NUDT22: variants seen among roughly 807,000 people sequenced by gnomAD.
NUDT22 encodes the protein nudix hydrolase 22.
Under a neutral mutation model 28.8 loss-of-function variants are expected in NUDT22, and 23 were observed. The ratio of observed to expected loss-of-function variants is 0.80; its 90% CI spans 0.58 to 1.13. The LOEUF (loss-of-function observed/expected upper bound fraction) is 1.13. Ranked by LOEUF, NUDT22 falls within the 50% of genes most tolerant of loss-of-function variation. The probability of loss-of-function intolerance (pLI) is 0.00; values close to 1 mark genes in which losing one functional copy is unlikely to be tolerated. For missense variants in NUDT22, 358 were observed against 387.3 expected, an observed-to-expected ratio of 0.92 and a Z score of 0.64; for synonymous variants, 175 against 173.7, an observed-to-expected ratio of 1.01 and a Z score of -0.06.
At chr11:64,227,308 T>C (rs1026060196) in intron 2 of NUDT22, 176 bp downstream of exon 2, 5 of 808,624 alleles carry the variant, frequency 6.2e-6, no homozygotes, top group Middle Eastern at 4.3e-4. Flanking sequence ...CCTGCCCCAG[T>C]CCTGTGAGAA....
At chr11:64,227,521 G>T (rs1439021523) in intron 2 of NUDT22, 47 bp from the exon 3 acceptor site, 17 of 1,439,664 alleles carry the variant, frequency 1.2e-5, no homozygotes, top group Non-Finnish European at 1.4e-5. Context: ...CTGAGATGGG[G>T]CAGGGGGAAG....
chr11:64,226,789 A>C lies in NUDT22; in HGVS notation c.137A>C (p.Glu46Ala). Residue 46 changes from glutamate (E) to alanine (A), a missense_variant, in exon 2 of 6, where the codon GAG becomes GCG. Coordinates refer to ENST00000279206, the MANE Select transcript of NUDT22 (RefSeq NM_032344.4). ...GACGAGGCCATCACTGCCATCTGGG[A>C]GACCCGGCTAAAGGCCCAACCCTGG... is the stretch of plus-strand genomic sequence containing the variant. ...GGDEAITAIW[E>A]TRLKAQPWLF... 6.2e-7 allele frequency: 1 copy of C among 1,610,494 alleles called. No individual in the cohort carries two copies.
rs771496243 is a variant in NUDT22, at chr11:64,227,145, G to C, written c.480+13G>C. On this transcript the variant is annotated intron_variant, in intron 2 of 5. Coordinates refer to ENST00000279206, the MANE Select transcript of NUDT22 (RefSeq NM_032344.4). ...CCCTGAGCCTCAGGTGAGATTCCAGGCTGGGCACAAAGACCCAGACAGCTC... is the reference window on the plus strand; with the variant it reads ...CCCTGAGCCTCAGGTGAGATTCCAGCCTGGGCACAAAGACCCAGACAGCTC... 6.5e-5 allele frequency: 102 copies of C among 1,577,030 alleles called. No homozygotes were observed. The highest frequency in any genetic ancestry group is 8.5e-5 in the Non-Finnish European group (99 of 1,167,424).
At chr11:64,227,227 TTA>T (rs1169349544) in intron 2 of NUDT22, 95 bp downstream of exon 2, 1 of 1,439,576 alleles carries the variant, frequency 6.9e-7, no homozygotes, top group Non-Finnish European at 9.4e-7. Flanking sequence ...TCCTCATTCC[TTA>T]AAGGGAAAAT....
Position 64,226,397 on chromosome 11 carries a change from T to G in NUDT22, c.-49T>G. 1.5e-6 allele frequency: 2 copies of G among 1,303,078 alleles called. No individual in the cohort carries two copies. Among genetic ancestry groups the G allele is most frequent in the Non-Finnish European group, 9.7e-7 (1 of 1,028,494 alleles). 80.7% of individuals were successfully genotyped at this position (1,303,078 alleles called of 1,614,324 possible). A position where few individuals can be genotyped will look rare whatever the true frequency, so the allele number is the denominator to read the frequency against. ...CCCTGGGTTTGGGGGACATGGGCAT[T>G]TGGGGCGCCTGAACCCAAGACCTCT... On this transcript the variant is annotated 5_prime_UTR_variant, in exon 1 of 6. The change creates a new upstream start codon in the 5' untranslated region. Coordinates refer to ENST00000279206, the MANE Select transcript of NUDT22 (RefSeq NM_032344.4).
Position 64,229,872 on chromosome 11 carries a change from C to T in NUDT22, c.794C>T (p.Thr265Met). 1.9e-6 allele frequency: 3 copies of T among 1,613,370 alleles called. No homozygotes were observed. Among genetic ancestry groups the T allele is most frequent in the Non-Finnish European group, 2.5e-6 (3 of 1,179,982 alleles). ...ETQNVQRLLE[T>M]EMWAELCPSA... ...CAGAACGTGCAGAGATTGCTCGAGA[C>T]GGAGATGTGGGCTGAACTCTGCCCC... Residue 265 changes from threonine to methionine, a missense_variant, in exon 6 of 6, where the codon ACG becomes ATG. Transcript: ENST00000279206.
At chr11:64,227,171 A>C in intron 2 of NUDT22, 39 bp downstream of exon 2, 5 of 1,556,794 alleles carry the variant, frequency 3.2e-6, no homozygotes, top group Non-Finnish European at 4.3e-6. Flanking sequence ...CAGACAGCTC[A>C]AGGGAGCTGC....
At chr11:64,230,066 A>T, downstream of NUDT22, 98 of 1,040,046 alleles carry the variant, frequency 9.4e-5, no homozygotes, top group East Asian at 1.4e-4. Context: ...ATGGGCCCTG[A>T]GTGTGTAAGG....
rs369459355 is a variant in NUDT22 at position 64,227,735 on chromosome 11, A to G, written c.579+69A>G. The G allele has an allele frequency of 2.4e-5, 32 of 1,332,466 alleles. 1 individual carries two copies. Among genetic ancestry groups the G allele is most frequent in the Admixed American group, 2.2e-4 (13 of 58,816 alleles). 82.5% of individuals were successfully genotyped at this position (1,332,466 alleles called of 1,614,324 possible). ...GGGGTAGGACTTGCCAGAATTCTAC[A>G]GGTCTGGGCTGGCAGGAGGCCTGCA... On this transcript the variant is annotated intron_variant, in intron 3 of 5. Coordinates refer to ENST00000279206, the MANE Select transcript of NUDT22 (RefSeq NM_032344.4).
downstream of NUDT22, chr11:64,230,223 G>GA: frequency 1.5e-6 from 1 of 671,168 alleles, no homozygotes; most frequent in South Asian, 1.5e-5. Context: ...GATATACCTC[G>GA]CTGCAGAGGG....
intron 3 of NUDT22, 83 bp from the exon 4 acceptor site, chr11:64,229,164 G>A (rs1408859061): frequency 3.4e-6 from 3 of 875,530 alleles, no homozygotes; most frequent in Non-Finnish European, 5.3e-6. Flanking sequence ...ACAGGTAACA[G>A]GCGGTTTTTC....
rs1380158606 is a variant in NUDT22 at position 64,227,781 on chromosome 11, G to A, written c.579+115G>A. 3.9e-6 allele frequency: 3 copies of A among 762,394 alleles called. No individual in the cohort carries two copies. In the African/African-American group the frequency reaches 5.2e-5, roughly 13 times the overall value. The allele number at this position is 762,394 out of a possible 1,614,324, so 47.2% of individuals were successfully genotyped here. On this transcript the variant is annotated intron_variant, in intron 3 of 5. Transcript: ENST00000279206. ...CTGCAGGCATCTGGCCAGCAATGAGGGAAGAAGTTGGCTTTGCAGCTATAC... is the reference window on the plus strand; with the variant it reads ...CTGCAGGCATCTGGCCAGCAATGAGAGAAGAAGTTGGCTTTGCAGCTATAC...
chr11:64,229,868 G>A lies in NUDT22; in HGVS notation c.790G>A (p.Glu264Lys), dbSNP rs750280671. The change falls in exon 6 of 6, where the codon GAG (glutamate) becomes AAG (lysine). Residue 264 changes from glutamate (E) to lysine (K), a missense_variant. Coordinates refer to ENST00000279206, the MANE Select transcript of NUDT22 (RefSeq NM_032344.4). ...CCCACAGAACGTGCAGAGATTGCTC[G>A]AGACGGAGATGTGGGCTGAACTCTG... ...VETQNVQRLLETEMWAELCPS... is the reference protein window; with the variant it reads ...VETQNVQRLLKTEMWAELCPS... The A allele has an allele frequency of 3.1e-6, 5 of 1,613,342 alleles. No individual in the cohort carries two copies. In the South Asian group the frequency reaches 5.5e-5, roughly 18 times the overall value.
At position 64,226,737 on chromosome 11, in the gene NUDT22, C is replaced by A. The variant is rs753461017; in HGVS notation, c.85C>A (p.His29Asn). 4 of 1,610,502 alleles carry A rather than the reference C, an allele frequency of 2.5e-6. No homozygotes were observed. Among genetic ancestry groups the A allele is most frequent in the Non-Finnish European group, 3.4e-6 (4 of 1,179,942 alleles). ...GATACAGGCCGAGCTGAGCCCCGCCCATGACCGTCGCCCACTGCCAGGTGG... is the reference window on the plus strand; with the variant it reads ...GATACAGGCCGAGCTGAGCCCCGCCAATGACCGTCGCCCACTGCCAGGTGG... Reference protein sequence around the residue: ...EQIQAELSPAHDRRPLPGGDE... With the variant: ...EQIQAELSPANDRRPLPGGDE... The change falls in exon 2 of 6, where the codon CAT becomes AAT. Residue 29 changes from histidine (H) to asparagine (N), a missense_variant. Transcript: ENST00000279206.
At position 64,226,894 on chromosome 11, in the gene NUDT22, G is replaced by A; in HGVS notation, c.242G>A (p.Arg81His). 6.2e-7 allele frequency: 1 copy of A among 1,603,810 alleles called. No individual in the cohort carries two copies. Among genetic ancestry groups the A allele is most frequent in the Non-Finnish European group, 8.5e-7 (1 of 1,179,916 alleles). The change falls in exon 2 of 6, where the codon CGC (arginine) becomes CAC (histidine). Residue 81 changes from arginine to histidine, a missense_variant. Physicochemically the swap from Arg to His is conservative, Grantham distance 29. Transcript: ENST00000279206. ...TCTCGGGGGCCACAGCTGCTCCTGCGCCTGGGCCTTACTTCCTACCGAGAC... is the reference window on the plus strand; with the variant it reads ...TCTCGGGGGCCACAGCTGCTCCTGCACCTGGGCCTTACTTCCTACCGAGAC... ...IGSRGPQLLL[R>H]LGLTSYRDFL... is the part of the protein sequence containing the mutation.
chr11:64,228,107 G>A (rs543667769), intron 3 of NUDT22, among the ~76,000 whole-genome samples: 6 of 150,574 alleles, frequency 4.0e-5, no homozygotes, highest in South Asian at 2.1e-4. Flanking sequence ...TCCTGACCTC[G>A]TGATCTGCCT....
Position 64,226,414 on chromosome 11 carries a change from A to G in NUDT22, c.-32A>G, listed in dbSNP as rs1378746259. ...ATGGGCATTTGGGGCGCCTGAACCCAAGACCTCTGGATGGTAGGGATGCCC... is the reference window on the plus strand; with the variant it reads ...ATGGGCATTTGGGGCGCCTGAACCCGAGACCTCTGGATGGTAGGGATGCCC... On this transcript the variant is annotated 5_prime_UTR_variant, in exon 1 of 6. Transcript: ENST00000279206. The G allele has an allele frequency of 1.3e-5, 17 of 1,337,614 alleles. No homozygotes were observed. The highest frequency in any genetic ancestry group is 1.5e-5 in the African/African-American group (1 of 66,474). The allele number at this position is 1,337,614 out of a possible 1,614,324, so 82.9% of individuals were successfully genotyped here.
intron 4 of NUDT22, 50 bp from the exon 5 acceptor site, chr11:64,229,428 A>T (rs1947133301): frequency 6.2e-7 from 1 of 1,605,440 alleles, no homozygotes; most frequent in African/African-American, 1.3e-5. Context: ...CTCCACAGGT[A>T]CCCCGCAGGG....
rs1053070143 is a variant in NUDT22, at chr11:64,229,229, C to T, written c.580-18C>T. On this transcript the variant is annotated intron_variant, in intron 3 of 5. Coordinates refer to ENST00000279206, the MANE Select transcript of NUDT22 (RefSeq NM_032344.4). Reference sequence around the variant, plus strand: ...CATTGATAGGTGGGACCTCCCCCCACCCCACCCTCCACCGCAGGTGAACCT... The same window carrying T: ...CATTGATAGGTGGGACCTCCCCCCATCCCACCCTCCACCGCAGGTGAACCT... 2.5e-5 allele frequency: 39 copies of T among 1,539,696 alleles called. No individual in the cohort carries two copies. The highest frequency in any genetic ancestry group is 3.4e-5 in the Non-Finnish European group (39 of 1,137,698).
Sources: gnomAD v4.1 joint callset for allele counts (sites outside exome capture counted in the v4.1 genomes callset) on GRCh38, gnomAD v4.1.1 for gene constraint, MANE v1.5 for transcripts, NCBI Gene and HGNC (gene_info 2026-07-23, HGNC 2026-07-21) for gene names.